GPR107: variants seen among roughly 807,000 people sequenced by gnomAD.
GPR107 encodes the protein G protein-coupled receptor 107.
In GPR107, 31 loss-of-function variants were observed where a neutral mutation model predicts 75.5. The ratio of observed to expected loss-of-function variants is 0.41; its 90% confidence interval spans 0.31 to 0.55. GPR107 has a LOEUF of 0.55. Ranked by LOEUF, GPR107 falls within the 20% of genes least tolerant of loss-of-function variation. The pLI, the probability that GPR107 is intolerant of heterozygous loss-of-function variation, is 0.26. For synonymous variants in GPR107, 267 were observed against 251.3 expected (o/e 1.06, Z -0.59); for missense variants, 572 against 665.7 (o/e 0.86, Z 1.55).
At chr9:130,072,377 G>A (rs1037198907) in intron 1 of GPR107, among the ~76,000 whole-genome samples, 4 of 151,864 alleles carry the variant, frequency 2.6e-5, no homozygotes, top group African/African-American at 4.8e-5. Flanking sequence ...GTGCCACCTC[G>A]CCCAGCTAAT....
intron 1 of GPR107, among the ~76,000 whole-genome samples, chr9:130,056,495 G>A (rs948958818): frequency 1.3e-5 from 2 of 151,988 alleles, no homozygotes; most frequent in African/African-American, 2.4e-5. Context: ...GAAGTCAGGG[G>A]TGTCCAATCT....
chr9:130,115,319 G>A lies in GPR107; in HGVS notation c.1306+7780G>A, dbSNP rs138510423. Among the ~76,000 whole-genome samples, 75 of 152,160 alleles carry A rather than the reference G, an allele frequency of 4.9e-4. No homozygotes were observed. In the Middle Eastern group the frequency reaches 0.01, roughly 21 times the overall value. On this transcript the variant is annotated intron_variant, in intron 14 of 17. Transcript: ENST00000347136. ...TGATTTGGATAGGAACACACCAGCCGCATGATGTGAGACTTCCCAGAAGGA... is the reference window on the plus strand; with the variant it reads ...TGATTTGGATAGGAACACACCAGCCACATGATGTGAGACTTCCCAGAAGGA...
chr9:130,099,995 C>T lies in GPR107; in HGVS notation c.939+463C>T, dbSNP rs559296405. On this transcript the variant is annotated intron_variant, in intron 10 of 17. Coordinates refer to ENST00000347136, the MANE Select transcript of GPR107 (RefSeq NM_020960.5). Reference sequence around the variant, plus strand: ...CTGCAAGCTCCTCCCCTCAGGTTCACGCCATTCTCCTGCCTGAGTCTCCCG... The same window carrying T: ...CTGCAAGCTCCTCCCCTCAGGTTCATGCCATTCTCCTGCCTGAGTCTCCCG... Among the ~76,000 whole-genome samples the T allele has an allele frequency of 2.7e-5, 4 of 146,376 alleles. No homozygotes were observed. The South Asian group carries it at 6.6e-4, about 24-fold the overall frequency.
intron 17 of GPR107, among the ~76,000 whole-genome samples, chr9:130,130,995 A>C (rs1831815132): frequency 6.6e-6 from 1 of 152,138 alleles, no homozygotes; most frequent in Non-Finnish European, 1.5e-5. Context: ...TTGCAAACAC[A>C]GAGACTTGGG....
At chr9:130,100,773 GC>G (rs1241223481) in intron 11 of GPR107, 71 bp downstream of exon 11, 57 of 1,133,304 alleles carry the variant, frequency 5.0e-5, no homozygotes, top group Non-Finnish European at 7.5e-5. Context: ...GCAACAACCT[GC>G]CCCAAGTTAA....
At chr9:130,076,380 T>C in intron 2 of GPR107, 32 bp from the exon 3 acceptor site, 1 of 1,295,492 alleles carries the variant, frequency 7.7e-7, no homozygotes, top group Non-Finnish European at 1.1e-6. Context: ...ATTGTGTAGA[T>C]ATTTACTTCT....
intron 9 of GPR107, among the ~76,000 whole-genome samples, chr9:130,092,700 C>G (rs1830771812): frequency 6.6e-6 from 1 of 152,044 alleles, no homozygotes; most frequent in Non-Finnish European, 1.5e-5. Context: ...GCTGCAAGCT[C>G]CGCCTCCTGT....
intron 16 of GPR107, 87 bp from the exon 17 acceptor site, chr9:130,128,553 G>A (rs1025594891): frequency 1.8e-6 from 2 of 1,107,656 alleles, no homozygotes; most frequent in Admixed American, 3.6e-5. Context: ...GGGTTGTGGG[G>A]AAATATGTCA....
rs1831961589 is a variant in GPR107 at position 130,136,530 on chromosome 9, C to T, written c.*1409C>T. On this transcript the variant is annotated 3_prime_UTR_variant, in exon 18 of 18. Coordinates refer to ENST00000347136, the MANE Select transcript of GPR107 (RefSeq NM_020960.5). ...GCCACACCTGCAGGGGAACAGGTACCTCCGAGGGTGAGAGTCGTGGTCTCT... is the reference window on the plus strand; with the variant it reads ...GCCACACCTGCAGGGGAACAGGTACTTCCGAGGGTGAGAGTCGTGGTCTCT... 1 of 152,194 alleles carries T rather than the reference C, an allele frequency of 6.6e-6. No homozygotes were observed. Among genetic ancestry groups the T allele is most frequent in the Admixed American group, 6.5e-5 (1 of 15,280 alleles). The allele number at this position is 152,194 out of a possible 1,614,324, so 9.4% of individuals were successfully genotyped here.
chr9:130,058,769 G>C lies in GPR107; in HGVS notation c.141+4696G>C, dbSNP rs561372931. ...TGTGAGCCACTGCGCCCGGCCGATA[G>C]GTAGGCTTTTGTGCCCATCTTTCTT... On this transcript the variant is annotated intron_variant, in intron 1 of 17. Transcript: ENST00000347136. Among the ~76,000 whole-genome samples, 40 of 152,152 alleles carry C rather than the reference G, an allele frequency of 2.6e-4. 1 individual carries two copies. In the East Asian group the frequency reaches 7.3e-3, roughly 28 times the overall value.
intron 14 of GPR107, among the ~76,000 whole-genome samples, chr9:130,121,182 CAAAACAAAA>C (rs912375687): frequency 3.3e-4 from 19 of 56,860 alleles, no homozygotes; most frequent in African/African-American, 6.0e-4. Flanking sequence ...GACCCTATCT[CAAAACAAAA>C]CAAAACAAAA....
intron 9 of GPR107, among the ~76,000 whole-genome samples, chr9:130,097,767 C>T (rs1484728791): frequency 6.8e-6 from 1 of 148,032 alleles, no homozygotes; most frequent in Admixed American, 6.8e-5. Context: ...GGAGCAGTGG[C>T]GTAATCAAGG....
intron 1 of GPR107, among the ~76,000 whole-genome samples, chr9:130,072,730 A>T (rs531985776): frequency 6.6e-6 from 1 of 152,174 alleles, no homozygotes; most frequent in South Asian, 2.1e-4. Flanking sequence ...TGGGGGGGGA[A>T]CTGCTATCAG....
chr9:130,114,288 G>A (rs1020444803), intron 14 of GPR107, among the ~76,000 whole-genome samples: 13 of 151,996 alleles, frequency 8.6e-5, no homozygotes, highest in Non-Finnish European at 8.8e-5. Flanking sequence ...AGGATTGCTT[G>A]AACCCGGGAG....
At position 130,056,339 on chromosome 9, in the gene GPR107, C is replaced by G. The variant is rs1245064342; in HGVS notation, c.141+2266C>G. The stretch of plus-strand genomic sequence containing the variant: ...TGGTGGCAGGTACCTGTAATCCCAG[C>G]TACTCGGGGCTGAGGCAGGAGAATC... On this transcript the variant is annotated intron_variant, in intron 1 of 17. Coordinates refer to ENST00000347136, the MANE Select transcript of GPR107 (RefSeq NM_020960.5). Among the ~76,000 whole-genome samples, 26 of 4,712 alleles carry G rather than the reference C, an allele frequency of 5.5e-3. 1 individual carries two copies. The highest frequency in any genetic ancestry group is 0.013 in the Non-Finnish European group (25 of 1,990). 3.1% of individuals were successfully genotyped at this position (4,712 alleles called of 152,430 possible). A position where few individuals can be genotyped will look rare whatever the true frequency, so the allele number is the denominator to read the frequency against.
chr9:130,098,409 G>T (rs1472128861), intron 9 of GPR107, among the ~76,000 whole-genome samples: 1 of 152,102 alleles, frequency 6.6e-6, no homozygotes, highest in Non-Finnish European at 1.5e-5. Flanking sequence ...CCTACTGCTG[G>T]CTCCCAGTCC....
At chr9:130,102,369 GTCCC>G (rs1475957822) in intron 12 of GPR107, among the ~76,000 whole-genome samples, 1 of 152,126 alleles carries the variant, frequency 6.6e-6, no homozygotes, top group Non-Finnish European at 1.5e-5. Context: ...CTTTAGTAGA[GTCCC>G]TCATCCCTCT....
At chr9:130,072,197 T>TAG (rs1830225722) in intron 1 of GPR107, among the ~76,000 whole-genome samples, 1 of 151,656 alleles carries the variant, frequency 6.6e-6, no homozygotes, top group Non-Finnish European at 1.5e-5. Context: ...GAACTCTTTC[T>TAG]ATTTATTTAT....
At chr9:130,065,788 A>AG (rs1564659106) in intron 1 of GPR107, among the ~76,000 whole-genome samples, 1 of 128,196 alleles carries the variant, frequency 7.8e-6, no homozygotes. Context: ...AAAAAAAAAA[A>AG]AGTGATGTTT....
Sources: gnomAD v4.1 joint callset for allele counts (sites outside exome capture counted in the v4.1 genomes callset) on GRCh38, gnomAD v4.1.1 for gene constraint, MANE v1.5 for transcripts, NCBI Gene and HGNC (gene_info 2026-07-23, HGNC 2026-07-21) for gene names.